The following BBX variants were observed in gnomAD, a reference collection of about 807,000 sequenced individuals.
BBX encodes BBX high mobility group box domain containing.
BBX carries 30 observed loss-of-function variants against 100.2 expected under a neutral mutation model. The ratio of observed to expected loss-of-function variants is 0.30; its 90% CI spans 0.22 to 0.41. The LOEUF (loss-of-function observed/expected upper bound fraction) is 0.41, where lower values mean the gene tolerates loss of function less well. Ranked by LOEUF, BBX falls within the 10% of genes least tolerant of loss-of-function variation. The pLI is 1.00. For missense variants in BBX, 1,023 were observed against 1,129.8 expected, an observed-to-expected ratio of 0.91 and a Z score of 1.35; for synonymous variants, 376 against 388.1, an observed-to-expected ratio of 0.97 and a Z score of 0.37.
chr3:107,579,140 A>G (rs1324838676), intron 2 of BBX, among the ~76,000 whole-genome samples: 1 of 151,986 alleles, frequency 6.6e-6, no homozygotes, highest in Non-Finnish European at 1.5e-5. Flanking sequence ...TGTTTCCTCT[A>G]GTTGTTGAGG....
chr3:107,682,968 A>T (rs1440428358), intron 3 of BBX, among the ~76,000 whole-genome samples: 1 of 152,158 alleles, frequency 6.6e-6, no homozygotes, highest in Non-Finnish European at 1.5e-5. Flanking sequence ...TAACTTATTG[A>T]CTTTCTTTTT....
chr3:107,769,971 G>T (rs760744747), intron 10 of BBX, among the ~76,000 whole-genome samples: 1 of 152,142 alleles, frequency 6.6e-6, no homozygotes, highest in Non-Finnish European at 1.5e-5. Context: ...TTCACTTCCA[G>T]CAATATAATT....
chr3:107,724,793 CT>C (rs1218487103), intron 5 of BBX, among the ~76,000 whole-genome samples: 5 of 152,124 alleles, frequency 3.3e-5, no homozygotes, highest in Admixed American at 1.3e-4. Flanking sequence ...CAGTACCATG[CT>C]GTTTTGGTTA....
At chr3:107,649,814 A>G (rs912569622) in intron 3 of BBX, among the ~76,000 whole-genome samples, 3 of 152,208 alleles carry the variant, frequency 2.0e-5, no homozygotes, top group African/African-American at 7.2e-5. Context: ...TCGTTACCGC[A>G]TAATCTAATA....
chr3:107,586,548 T>C (rs188604779), intron 2 of BBX, among the ~76,000 whole-genome samples: 2 of 152,312 alleles, frequency 1.3e-5, no homozygotes, highest in African/African-American at 4.8e-5. Context: ...TCCTATTGGA[T>C]TCTCATCATA....
chr3:107,741,255 T>C (rs1314125458), intron 7 of BBX, among the ~76,000 whole-genome samples: 4 of 152,070 alleles, frequency 2.6e-5, no homozygotes, highest in Non-Finnish European at 5.9e-5. Context: ...ACTGGCTTGA[T>C]CTTGTTTTAT....
At chr3:107,687,676 C>A (rs1470701746) in intron 3 of BBX, among the ~76,000 whole-genome samples, 2 of 152,128 alleles carry the variant, frequency 1.3e-5, no homozygotes, top group African/African-American at 4.8e-5. Flanking sequence ...AGACACTGGT[C>A]ATTTTTACTC....
intron 4 of BBX, 130 bp from the exon 5 acceptor site, chr3:107,716,472 AATTAT>A: frequency 2.7e-6 from 3 of 1,115,858 alleles, no homozygotes; most frequent in Non-Finnish European, 3.8e-6. Flanking sequence ...GATTTTTTAA[AATTAT>A]ATTTTTTTCA....
At chr3:107,642,384 G>A (rs945555250) in intron 2 of BBX, among the ~76,000 whole-genome samples, 1 of 152,198 alleles carries the variant, frequency 6.6e-6, no homozygotes, top group Non-Finnish European at 1.5e-5. Context: ...AGATGGAGAA[G>A]TAGTTTTAAA....
At chr3:107,724,339 T>G (rs1199269927) in intron 5 of BBX, among the ~76,000 whole-genome samples, 4 of 152,196 alleles carry the variant, frequency 2.6e-5, no homozygotes, top group African/African-American at 9.6e-5. Context: ...TGCAAAAATT[T>G]TCTCCCATTC....
intron 2 of BBX, among the ~76,000 whole-genome samples, chr3:107,534,883 A>C (rs139622161): frequency 2.0e-5 from 3 of 152,250 alleles, no homozygotes; most frequent in Non-Finnish European, 2.9e-5. Flanking sequence ...TTTAAACTTC[A>C]GGAAAGTTGA....
At chr3:107,541,890 C>T (rs895933321) in intron 2 of BBX, among the ~76,000 whole-genome samples, 5 of 151,584 alleles carry the variant, frequency 3.3e-5, no homozygotes, top group Non-Finnish European at 5.9e-5. Context: ...GTGATTATAG[C>T]TCACCACAGC....
At chr3:107,775,212 A>T (rs546714957) in intron 12 of BBX, among the ~76,000 whole-genome samples, 20 of 152,282 alleles carry the variant, frequency 1.3e-4, no homozygotes, top group African/African-American at 4.6e-4. Context: ...TTTACATACT[A>T]TATGTATTTA....
chr3:107,688,569 C>A (rs1003293941), intron 3 of BBX, among the ~76,000 whole-genome samples: 1 of 152,108 alleles, frequency 6.6e-6, no homozygotes, highest in Non-Finnish European at 1.5e-5. Flanking sequence ...TTATAATTGC[C>A]AAGTGTCCAG....
intron 4 of BBX, chr3:107,711,506 TA>T: frequency 2.9e-6 from 1 of 346,382 alleles, no homozygotes; most frequent in Non-Finnish European, 5.7e-6. Flanking sequence ...CATCAGGAAT[TA>T]AAAACAATTT....
chr3:107,803,654 C>A (rs575754683), intron 17 of BBX, among the ~76,000 whole-genome samples: 1 of 152,168 alleles, frequency 6.6e-6, no homozygotes, highest in East Asian at 1.9e-4. Context: ...CCTTTTTAGT[C>A]CCATTTTAAT....
At chr3:107,790,642 G>GGGTTT (rs1186624420) in intron 14 of BBX, among the ~76,000 whole-genome samples, 2 of 152,090 alleles carry the variant, frequency 1.3e-5, no homozygotes, top group African/African-American at 4.8e-5. Flanking sequence ...TCTGTAGGTC[G>GGGTTT]GGTTTTCTTT....
intron 2 of BBX, among the ~76,000 whole-genome samples, chr3:107,622,544 C>T (rs2055855494): frequency 6.6e-6 from 1 of 152,136 alleles, no homozygotes. Flanking sequence ...CACCTGTAAG[C>T]CCTTTATCTT....
At chr3:107,804,176 C>G (rs2070840450) in intron 17 of BBX, among the ~76,000 whole-genome samples, 1 of 152,110 alleles carries the variant, frequency 6.6e-6, no homozygotes, top group South Asian at 2.1e-4. Context: ...ATTAAGTGAT[C>G]ATTTGATTCT....
Sources: gnomAD v4.1 joint callset for allele counts (sites outside exome capture counted in the v4.1 genomes callset) on GRCh38, gnomAD v4.1.1 for gene constraint, MANE v1.5 for transcripts, NCBI Gene and HGNC (gene_info 2026-07-23, HGNC 2026-07-21) for gene names.